Variants in LPAR6 observed in about 807,000 individuals in gnomAD.
The protein encoded by LPAR6 is G-protein coupled purinergic receptor P2Y5.
LPAR6 carries 17 observed loss-of-function variants against 22.0 expected under a neutral mutation model. That is an observed-to-expected ratio of 0.77 (90% CI 0.53 to 1.16). LPAR6 has a LOEUF of 1.16. LPAR6 is among the 50% of genes most tolerant of loss of function. The pLI, the probability that LPAR6 is intolerant of heterozygous loss-of-function variation, is 0.00. For missense variants in LPAR6, 384 were observed against 406.9 expected (o/e 0.94, Z 0.48); for synonymous variants, 136 against 139.8 (o/e 0.97, Z 0.19).
At chr13:48,421,512 C>T (rs1341414077) in intron 2 of LPAR6, among the ~76,000 whole-genome samples, 1 of 152,110 alleles carries the variant, frequency 6.6e-6, no homozygotes, top group Non-Finnish European at 1.5e-5. Context: ...CCAAAATTGA[C>T]AAATGGGATC....
At chr13:48,440,770 T>C (rs1184159662) in intron 1 of LPAR6, among the ~76,000 whole-genome samples, 4 of 152,164 alleles carry the variant, frequency 2.6e-5, no homozygotes, top group African/African-American at 9.7e-5. Context: ...TAACTTTTCA[T>C]TTAAAAAATT....
At chr13:48,421,894 T>C (rs999281794) in intron 2 of LPAR6, among the ~76,000 whole-genome samples, 1 of 152,150 alleles carries the variant, frequency 6.6e-6, no homozygotes, top group Non-Finnish European at 1.5e-5. Context: ...ATGTGGAGAA[T>C]AGGAATGCTT....
At chr13:48,392,490 TTCAA>T (rs2138162103) in intron 1 of LPAR6, among the ~76,000 whole-genome samples, 1 of 152,294 alleles carries the variant, frequency 6.6e-6, no homozygotes, top group East Asian at 1.9e-4. Context: ...AAGCTATGTC[TTCAA>T]GTTTATTAAT....
At chr13:48,425,933 G>A (rs537485033) in intron 1 of LPAR6, among the ~76,000 whole-genome samples, 5 of 152,324 alleles carry the variant, frequency 3.3e-5, no homozygotes, top group African/African-American at 7.2e-5. Context: ...GTGATTATTG[G>A]TGGAGAATGA....
At chr13:48,394,285 C>T (rs573898308) in intron 1 of LPAR6, among the ~76,000 whole-genome samples, 2 of 152,330 alleles carry the variant, frequency 1.3e-5, no homozygotes, top group Middle Eastern at 3.4e-3. Flanking sequence ...CGGGTGCCTA[C>T]ACCACCAGGG....
Position 48,411,746 on chromosome 13 carries a change from C to G in LPAR6, c.678G>C (p.Lys226Asn). ...TLSRSKINKTKVLKMIFVHLI... is the reference protein window; with the variant it reads ...TLSRSKINKTNVLKMIFVHLI... ...AATGTACAAAAATCATTTTTAAAAC[C>G]TTAGTTTTGTTTATTTTGCTTCTAC... Residue 226 changes from lysine (K) to asparagine (N), a missense_variant, in exon 1 of 1, where the codon AAG (lysine) becomes AAC (asparagine). Physicochemically the swap from Lys to Asn is moderately conservative, Grantham distance 94. Coordinates refer to ENST00000620633, the MANE Select transcript of LPAR6 (RefSeq NM_001162498.3). 1 of 1,609,890 alleles carries G rather than the reference C, an allele frequency of 6.2e-7. No homozygotes were observed. The highest frequency in any genetic ancestry group is 1.1e-5 in the South Asian group (1 of 90,898).
chr13:48,406,758 A>T (rs553227389), downstream of LPAR6: 1 of 152,328 alleles, frequency 6.6e-6, no homozygotes, highest in East Asian at 1.9e-4. Context: ...AGTAAAAACA[A>T]AGAATCTGGG....
rs1948793923 is a variant in LPAR6 at position 48,411,240 on chromosome 13, T to A, written c.*149A>T. The A allele has an allele frequency of 4.4e-6, 3 of 679,796 alleles. No individual in the cohort carries two copies. The South Asian group carries it at 5.0e-5, about 11-fold the overall frequency. 42.1% of individuals were successfully genotyped at this position (679,796 alleles called of 1,614,324 possible). A position where few individuals can be genotyped will look rare whatever the true frequency, so the allele number is the denominator to read the frequency against. On this transcript the variant is annotated 3_prime_UTR_variant, in exon 1 of 1. Coordinates refer to ENST00000620633, the MANE Select transcript of LPAR6 (RefSeq NM_001162498.3). ...AAAATACATGTTAATGCTTAACACATTGAATACAAATTTTCTTTATACTAA... is the reference window on the plus strand; with the variant it reads ...AAAATACATGTTAATGCTTAACACAATGAATACAAATTTTCTTTATACTAA...
At position 48,412,298 on chromosome 13, in the gene LPAR6, G is replaced by T. The variant is rs1160189072; in HGVS notation, c.126C>A (p.Phe42Leu). Reference protein sequence around the residue: ...LISNCVAIYIFICVLKVRNET... With the variant: ...LISNCVAIYILICVLKVRNET... Reference sequence around the variant, plus strand: ...CATTTCGGACTTTGAGGACGCAGATGAAAATGTATATGGCAACACAATTGG... The same window carrying T: ...CATTTCGGACTTTGAGGACGCAGATTAAAATGTATATGGCAACACAATTGG... The change falls in exon 1 of 1, where the codon TTC becomes TTA. Residue 42 changes from phenylalanine (F) to leucine (L), a missense_variant. Phe to Leu is a conservative substitution (Grantham distance 22). Coordinates refer to ENST00000620633, the MANE Select transcript of LPAR6 (RefSeq NM_001162498.3). The T allele has an allele frequency of 3.1e-6, 5 of 1,613,498 alleles. No individual in the cohort carries two copies. The Admixed American group carries it at 8.3e-5, about 27-fold the overall frequency.
At chr13:48,444,367 A>C (rs1949266974) in intron 1 of LPAR6, among the ~76,000 whole-genome samples, 1 of 151,998 alleles carries the variant, frequency 6.6e-6, no homozygotes, top group Non-Finnish European at 1.5e-5. Context: ...AAATACAAAA[A>C]TTATCTGGGT....
At chr13:48,419,959 A>G (rs1333276027) in intron 2 of LPAR6, among the ~76,000 whole-genome samples, 1 of 152,238 alleles carries the variant, frequency 6.6e-6, no homozygotes, top group East Asian at 1.9e-4. Flanking sequence ...TGCCAGAGGT[A>G]CAAGGAGGAG....
upstream of LPAR6, among the ~76,000 whole-genome samples, chr13:48,416,958 G>C: frequency 6.6e-6 from 1 of 152,218 alleles, no homozygotes; most frequent in South Asian, 2.1e-4. Flanking sequence ...CTGGGACAGA[G>C]CACCTGGGGG....
chr13:48,420,720 A>G (rs1212933326), intron 2 of LPAR6, among the ~76,000 whole-genome samples: 1 of 152,224 alleles, frequency 6.6e-6, no homozygotes, highest in East Asian at 1.9e-4. Context: ...TGCAGAAATC[A>G]CAAGTATTCC....
At chr13:48,402,770 CAT>C (rs1282674050) in intron 1 of LPAR6, among the ~76,000 whole-genome samples, 1 of 152,044 alleles carries the variant, frequency 6.6e-6, no homozygotes, top group Non-Finnish European at 1.5e-5. Flanking sequence ...TATATTGAAT[CAT>C]GTGTGTTTCA....
chr13:48,421,416 A>G (rs1357338171), intron 2 of LPAR6, among the ~76,000 whole-genome samples: 3 of 152,218 alleles, frequency 2.0e-5, no homozygotes, highest in Non-Finnish European at 2.9e-5. Flanking sequence ...TGAAAACCCT[A>G]GAAGAAAACC....
At chr13:48,407,080 G>A (rs1435864224), downstream of LPAR6, among the ~76,000 whole-genome samples, 3 of 152,158 alleles carry the variant, frequency 2.0e-5, no homozygotes, top group Middle Eastern at 3.2e-3. Context: ...TTGATAGGAC[G>A]ATAATGGAAC....
intron 1 of LPAR6, among the ~76,000 whole-genome samples, chr13:48,436,717 A>C (rs1429496791): frequency 1.3e-5 from 2 of 152,178 alleles, no homozygotes; most frequent in Non-Finnish European, 2.9e-5. Context: ...ATTAGTATTA[A>C]AGGACCAGCA....
chr13:48,403,352 A>G (rs947746760), intron 1 of LPAR6, among the ~76,000 whole-genome samples: 1 of 152,208 alleles, frequency 6.6e-6, no homozygotes, highest in Non-Finnish European at 1.5e-5. Flanking sequence ...AAAAAGACAC[A>G]TATCACAGGG....
intron 1 of LPAR6, among the ~76,000 whole-genome samples, chr13:48,400,092 C>G (rs1295342814): frequency 6.6e-6 from 1 of 152,052 alleles, no homozygotes; most frequent in Non-Finnish European, 1.5e-5. Flanking sequence ...CTCATAGAAA[C>G]TTAGTTTAGG....
Sources: gnomAD v4.1 joint callset for allele counts (sites outside exome capture counted in the v4.1 genomes callset) on GRCh38, gnomAD v4.1.1 for gene constraint, MANE v1.5 for transcripts, NCBI Gene and HGNC (gene_info 2026-07-23, HGNC 2026-07-21) for gene names.